The following PTPRQ variants were observed in gnomAD, a reference collection of about 807,000 sequenced individuals.
PTPRQ encodes the protein protein tyrosine phosphatase receptor type Q.
Under a neutral mutation model 246.0 loss-of-function variants are expected in PTPRQ, and 199 were observed. The ratio of observed to expected loss-of-function variants is 0.81; its 90% confidence interval spans 0.72 to 0.91. The LOEUF (loss-of-function observed/expected upper bound fraction) is 0.91, where lower values mean the gene tolerates loss of function less well. Ranked by LOEUF, PTPRQ falls within the 40% of genes least tolerant of loss-of-function variation. The pLI is 0.00. For synonymous variants in PTPRQ, 869 were observed against 853.2 expected, an observed-to-expected ratio of 1.02 and a Z score of -0.32; for missense variants, 2,624 against 2,528.4, an observed-to-expected ratio of 1.04 and a Z score of -0.81.
At chr12:80,549,303 TTCTG>T (rs1472332377) in intron 24 of PTPRQ, among the ~76,000 whole-genome samples, 158 bp from the exon 25 acceptor site, 1 of 152,144 alleles carries the variant, frequency 6.6e-6, no homozygotes, top group Non-Finnish European at 1.5e-5. Flanking sequence ...AGCCTTTTGA[TTCTG>T]TCTATGTTAA....
intron 20 of PTPRQ, among the ~76,000 whole-genome samples, chr12:80,541,036 G>C (rs10862165): frequency 0.23 from 35,092 of 151,882 alleles, 6,650 homozygotes; most frequent in African/African-American, 0.52. Flanking sequence ...ATGTGAGTTG[G>C]TAGTCTGGTG....
chr12:80,600,886 C>A (rs941261331), intron 26 of PTPRQ, among the ~76,000 whole-genome samples: 1 of 151,756 alleles, frequency 6.6e-6, no homozygotes, highest in East Asian at 1.9e-4. Flanking sequence ...CCCCCATTTC[C>A]TCTCGGATTC....
chr12:80,522,688 C>T (rs1222134404), intron 17 of PTPRQ, among the ~76,000 whole-genome samples: 1 of 152,206 alleles, frequency 6.6e-6, no homozygotes, highest in Non-Finnish European at 1.5e-5. Flanking sequence ...TATGTGGAGC[C>T]AGCCTTGCAT....
intron 19 of PTPRQ, among the ~76,000 whole-genome samples, chr12:80,536,702 T>C (rs1592627417): frequency 2.6e-5 from 4 of 152,360 alleles, no homozygotes; most frequent in South Asian, 2.1e-4. Context: ...TTTTGCTTTT[T>C]GTTTTGTTCT....
At chr12:80,487,502 A>T (rs1212574779) in intron 9 of PTPRQ, among the ~76,000 whole-genome samples, 1 of 152,146 alleles carries the variant, frequency 6.6e-6, no homozygotes, top group Non-Finnish European at 1.5e-5. Flanking sequence ...GTCATTGTCT[A>T]AGAAACCATG....
rs1275154444 is a variant in PTPRQ, at chr12:80,542,785, A to G, written c.3777A>G (p.Val1259=). Residue 1259 remains valine, a synonymous_variant, in exon 23 of 45, where the codon GTA becomes GTG. Transcript: ENST00000644991. The part of the protein sequence containing the change: ...LTLINCTSDF[V]WLKWSPSPLP... ...TAATCAACTGTACTTCAGACTTTGT[A>G]TGGCTGAAATGGAGCCCAAGTCCTC... The G allele has an allele frequency of 4.5e-6, 7 of 1,549,524 alleles. No individual in the cohort carries two copies. Among genetic ancestry groups the G allele is most frequent in the Non-Finnish European group, 5.2e-6 (6 of 1,146,006 alleles).
chr12:80,634,052 T>C (rs1344287930), intron 34 of PTPRQ, among the ~76,000 whole-genome samples: 3 of 152,230 alleles, frequency 2.0e-5, no homozygotes, highest in African/African-American at 7.2e-5. Context: ...AAATTCTACT[T>C]CTTTACCTCC....
chr12:80,482,109 A>G (rs1894085541), intron 8 of PTPRQ, among the ~76,000 whole-genome samples: 1 of 152,022 alleles, frequency 6.6e-6, no homozygotes, highest in South Asian at 2.1e-4. Context: ...GGATCACACT[A>G]CCTGACTTTA....
Position 80,610,465 on chromosome 12 carries a change from C to T in PTPRQ, c.4758C>T (p.Ser1586=), listed in dbSNP as rs141624342. ...TAGATAATGATGAATTTAATATATC[C>T]TTCATCAAGTCAAATGAAGAAAATA... is the stretch of plus-strand genomic sequence containing the variant. ...KSVDNDEFNI[S]FIKSNEENKT... The change falls in exon 28 of 45, where the codon TCC becomes TCT. Residue 1586 remains serine (S), a synonymous_variant. Coordinates refer to ENST00000644991, the MANE Select transcript of PTPRQ (RefSeq NM_001145026.2). 8 of 1,496,870 alleles carry T rather than the reference C, an allele frequency of 5.3e-6. No homozygotes were observed. Among genetic ancestry groups the T allele is most frequent in the Non-Finnish European group, 7.2e-6 (8 of 1,110,720 alleles). 92.7% of individuals were successfully genotyped at this position (1,496,870 alleles called of 1,614,324 possible).
At position 80,511,542 on chromosome 12, in the gene PTPRQ, A is replaced by G. The variant is rs141263081; in HGVS notation, c.2678+1099A>G. Among the ~76,000 whole-genome samples the G allele has an allele frequency of 4.4e-3, 663 of 152,312 alleles. 2 individuals carry two copies. The highest frequency in any genetic ancestry group is 7.5e-3 in the Non-Finnish European group (513 of 68,032). On this transcript the variant is annotated intron_variant, in intron 17 of 44. Transcript: ENST00000644991. ...GTGTTGTATCTCTTACACTCCCAAG[A>G]GATAACTGGATTATATACCCATAAA...
chr12:80,496,439 A>G lies in PTPRQ; in HGVS notation c.2180A>G (p.His727Arg), dbSNP rs1393694447. The G allele has an allele frequency of 6.4e-7, 1 of 1,550,828 alleles. No individual in the cohort carries two copies. The highest frequency in any genetic ancestry group is 1.4e-5 in the African/African-American group (1 of 73,106). Reference sequence around the variant, plus strand: ...ATAATATTAAGGAACTTAAGACCTCACACCCTCTATAACATTTCTGTAAGG... The same window carrying G: ...ATAATATTAAGGAACTTAAGACCTCGCACCCTCTATAACATTTCTGTAAGG... ...TDIILRNLRP[H>R]TLYNISVRSY... The change falls in exon 14 of 45, where the codon CAC becomes CGC. Residue 727 changes from histidine (H) to arginine (R), a missense_variant. Coordinates refer to ENST00000644991, the MANE Select transcript of PTPRQ (RefSeq NM_001145026.2).
At chr12:80,604,938 A>G in intron 26 of PTPRQ, 121 bp from the exon 27 acceptor site, 1 of 1,068,024 alleles carries the variant, frequency 9.4e-7, no homozygotes, top group East Asian at 3.1e-5. Flanking sequence ...TGAAATATAA[A>G]TTAATGTAAA....
chr12:80,664,041 C>T (rs993163921), intron 39 of PTPRQ, among the ~76,000 whole-genome samples: 14 of 152,016 alleles, frequency 9.2e-5, no homozygotes, highest in African/African-American at 2.4e-4. Context: ...CTTATAGTCT[C>T]GACCTTTTGA....
At chr12:80,642,764 C>G (rs1369042753) in intron 35 of PTPRQ, among the ~76,000 whole-genome samples, 1 of 150,150 alleles carries the variant, frequency 6.7e-6, no homozygotes, top group Admixed American at 6.6e-5. Flanking sequence ...ACTAAAAATA[C>G]AAAAAATTAG....
At chr12:80,485,904 A>G (rs1894259491) in intron 9 of PTPRQ, among the ~76,000 whole-genome samples, 1 of 151,840 alleles carries the variant, frequency 6.6e-6, no homozygotes, top group Admixed American at 6.6e-5. Flanking sequence ...TTCTGTCTCT[A>G]TCTGGTCTGC....
Position 80,496,308 on chromosome 12 carries a change from G to GTT in PTPRQ, c.2050_2051dup (p.Leu684PhefsTer2). The GTT allele has an allele frequency of 6.4e-7, 1 of 1,550,688 alleles. No individual in the cohort carries two copies. On this transcript the variant is annotated frameshift_variant, in exon 14 of 45. Transcript: ENST00000644991. LOFTEE classifies it high-confidence loss of function. ...TTGATGTTACCGCAGATGAAATAAG[G>GTT]TTGAAGTGGTCACCACCCGAAAAGC...
chr12:80,588,156 T>C lies in PTPRQ; in HGVS notation c.4313T>C (p.Phe1438Ser). 1 of 1,534,124 alleles carries C rather than the reference T, an allele frequency of 6.5e-7. No individual in the cohort carries two copies. Among genetic ancestry groups the C allele is most frequent in the Non-Finnish European group, 8.8e-7 (1 of 1,137,880 alleles). The change falls in exon 26 of 45, where the codon TTT (phenylalanine) becomes TCT (serine). Residue 1438 changes from phenylalanine (F) to serine (S), a missense_variant. Coordinates refer to ENST00000644991, the MANE Select transcript of PTPRQ (RefSeq NM_001145026.2). ...CCCAGTGTTCCCACAAATATTGCTT[T>C]TTCTGATGTTCAGTCAACTAGTGCA... is the stretch of plus-strand genomic sequence containing the variant. The part of the protein sequence containing the change: ...TVPSVPTNIA[F>S]SDVQSTSATL...
intron 26 of PTPRQ, among the ~76,000 whole-genome samples, chr12:80,597,697 G>C (rs577073286): frequency 6.6e-6 from 1 of 152,048 alleles, no homozygotes; most frequent in Admixed American, 6.6e-5. Flanking sequence ...CGACGTTATA[G>C]AGCAGTGATT....
intron 38 of PTPRQ, among the ~76,000 whole-genome samples, chr12:80,653,526 A>G (rs1900321199): frequency 6.6e-6 from 1 of 152,182 alleles, no homozygotes; most frequent in Admixed American, 6.5e-5. Flanking sequence ...TGACATTGTG[A>G]TGTCCTGAAA....
Sources: allele counts gnomAD v4.1 joint callset (sites outside exome capture counted in the v4.1 genomes callset), GRCh38; gene constraint gnomAD v4.1.1; transcripts MANE v1.5; gene names NCBI Gene and HGNC (gene_info 2026-07-23, HGNC 2026-07-21).